MPHOSPH6: variants seen among roughly 807,000 people sequenced by gnomAD.
The protein encoded by MPHOSPH6 is M-phase phosphoprotein 6.
Under a neutral mutation model 21.8 loss-of-function variants are expected in MPHOSPH6, and 25 were observed. The ratio of observed to expected loss-of-function variants is 1.15; its 90% CI spans 0.83 to 1.60. MPHOSPH6 has a LOEUF of 1.60. MPHOSPH6 is among the 40% of genes most tolerant of loss of function. The pLI is 0.00. For synonymous variants in MPHOSPH6, 84 were observed against 56.5 expected (o/e 1.49, Z -2.18); for missense variants, 269 against 181.8 (o/e 1.48, Z -2.76).
intron 2 of MPHOSPH6, among the ~76,000 whole-genome samples, chr16:82,161,716 C>T (rs1906613352): frequency 6.6e-6 from 1 of 152,174 alleles, no homozygotes; most frequent in Non-Finnish European, 1.5e-5. Context: ...AATGTGGCTA[C>T]ACTAAGGCCT....
At chr16:82,157,897 C>G (rs892865487) in intron 2 of MPHOSPH6, among the ~76,000 whole-genome samples, 1 of 152,174 alleles carries the variant, frequency 6.6e-6, no homozygotes, top group Non-Finnish European at 1.5e-5. Flanking sequence ...AGAGTAGTAG[C>G]AGGAGGTCAG....
chr16:82,150,758 C>G (rs1176597934), intron 3 of MPHOSPH6, among the ~76,000 whole-genome samples: 3 of 152,226 alleles, frequency 2.0e-5, no homozygotes, highest in Non-Finnish European at 4.4e-5. Flanking sequence ...AATGTTAACA[C>G]TGCCAAGGGC....
In MPHOSPH6 at chr16:82,148,866, G is replaced by A. The variant is rs757951880; in HGVS notation, c.351-3C>T. On this transcript the variant is annotated splice_polypyrimidine_tract_variant and splice_region_variant and intron_variant, in intron 4 of 4. Coordinates refer to ENST00000258169, the MANE Select transcript of MPHOSPH6 (RefSeq NM_005792.2). ...TTGTCCCCACCAAGGTCTCATATCTGTCAAGAGGACAGGCAGCACACGTTT... is the reference window on the plus strand; with the variant it reads ...TTGTCCCCACCAAGGTCTCATATCTATCAAGAGGACAGGCAGCACACGTTT... 6.9e-5 allele frequency: 112 copies of A among 1,613,820 alleles called. No individual in the cohort carries two copies. Among genetic ancestry groups the A allele is most frequent in the Non-Finnish European group, 9.2e-5 (108 of 1,179,896 alleles).
rs373492338 is a variant in MPHOSPH6 at position 82,149,322 on chromosome 16, C to G, written c.337G>C (p.Glu113Gln). 6.2e-7 allele frequency: 1 copy of G among 1,613,222 alleles called. No individual in the cohort carries two copies. The highest frequency in any genetic ancestry group is 8.5e-7 in the Non-Finnish European group (1 of 1,180,032). Reference sequence around the variant, plus strand: ...CAGCACGGTTACCTTCTAGCCATCTCTTCATCTGACACATCAAGCTCTACT... The same window carrying G: ...CAGCACGGTTACCTTCTAGCCATCTGTTCATCTGACACATCAAGCTCTACT... The part of the protein sequence containing the change: ...ETVELDVSDE[E>Q]MARRYETLVG... The change falls in exon 4 of 5, where the codon GAG becomes CAG. Residue 113 changes from glutamate to glutamine, a missense_variant. By Grantham distance (29) the Glu-to-Gln change is conservative. Transcript: ENST00000258169.
chr16:82,160,669 G>A (rs1906578935), intron 2 of MPHOSPH6, among the ~76,000 whole-genome samples: 1 of 152,166 alleles, frequency 6.6e-6, no homozygotes, highest in South Asian at 2.1e-4. Flanking sequence ...AATCCACTGG[G>A]TGCACAGCAT....
intron 2 of MPHOSPH6, among the ~76,000 whole-genome samples, chr16:82,155,418 C>T (rs1035066305): frequency 6.6e-6 from 1 of 152,034 alleles, no homozygotes; most frequent in African/African-American, 2.4e-5. Flanking sequence ...CTTAAGGAAT[C>T]CACAAAAAAA....
rs776393036 is a variant in MPHOSPH6, at chr16:82,148,791, A to C, written c.423T>G (p.Asp141Glu). Residue 141 changes from aspartate (D) to glutamate (E), a missense_variant, in exon 5 of 5, where the codon GAT becomes GAG. Transcript: ENST00000258169. Reference protein sequence around the residue: ...RKRDHANYEEDENGDITPIKA... With the variant: ...RKRDHANYEEEENGDITPIKA... ...TAATTGGTGTTATGTCTCCATTTTC[A>C]TCTTCTTCATAATTGGCATGGTCTC... 1 of 1,614,058 alleles carries C rather than the reference A, an allele frequency of 6.2e-7. No homozygotes were observed. The highest frequency in any genetic ancestry group is 8.5e-7 in the Non-Finnish European group (1 of 1,180,004).
At chr16:82,165,798 G>T (rs1436659786) in intron 1 of MPHOSPH6, among the ~76,000 whole-genome samples, 1 of 41,508 alleles carries the variant, frequency 2.4e-5, no homozygotes, top group African/African-American at 4.8e-5. Context: ...GGTTTGCGTA[G>T]ATGAACCCTA....
chr16:82,163,942 T>G, intron 2 of MPHOSPH6, 140 bp downstream of exon 2: 1 of 592,986 alleles, frequency 1.7e-6, no homozygotes, highest in Non-Finnish European at 2.9e-6. Flanking sequence ...GTTTAATATT[T>G]TTTAGTTGTG....
intron 2 of MPHOSPH6, among the ~76,000 whole-genome samples, chr16:82,158,423 C>A (rs141229040): frequency 2.7e-5 from 4 of 146,634 alleles, no homozygotes; most frequent in African/African-American, 5.1e-5. Context: ...GGTGTGAACC[C>A]GGGAGGTGGA....
chr16:82,153,502 C>T (rs1441270227), intron 2 of MPHOSPH6, among the ~76,000 whole-genome samples: 1 of 152,122 alleles, frequency 6.6e-6, no homozygotes, highest in African/African-American at 2.4e-5. Flanking sequence ...TCTTGCTGAG[C>T]TTAAGAGACA....
At chr16:82,149,570 G>C (rs1303927741) in intron 3 of MPHOSPH6, among the ~76,000 whole-genome samples, 167 bp from the exon 4 acceptor site, 1 of 152,192 alleles carries the variant, frequency 6.6e-6, no homozygotes, top group African/African-American at 2.4e-5. Flanking sequence ...TGTAAGAGAA[G>C]TAAGCTCTGA....
intron 1 of MPHOSPH6, among the ~76,000 whole-genome samples, chr16:82,166,220 T>A (rs1461080581): frequency 6.6e-6 from 1 of 152,226 alleles, no homozygotes; most frequent in Non-Finnish European, 1.5e-5. Flanking sequence ...CTATCACTAT[T>A]TTAAGTAAAA....
rs113126233 is a variant in MPHOSPH6, at chr16:82,153,179, T to C, written c.165-1665A>G. 1.8e-3 allele frequency among the ~76,000 whole-genome samples: 274 copies of C among 152,162 alleles called. 5 individuals are homozygous for C. The highest frequency in any genetic ancestry group is 6.3e-3 in the African/African-American group (262 of 41,522). On this transcript the variant is annotated intron_variant, in intron 2 of 4. Coordinates refer to ENST00000258169, the MANE Select transcript of MPHOSPH6 (RefSeq NM_005792.2). ...CTGCTCTCCTGGAGGTTACAGTCTA[T>C]AGAAAGAGGGGCCAAATAATGAATG... is the stretch of plus-strand genomic sequence containing the variant.
intron 2 of MPHOSPH6, among the ~76,000 whole-genome samples, chr16:82,160,723 A>G (rs1370631318): frequency 6.6e-6 from 1 of 152,210 alleles, no homozygotes; most frequent in Admixed American, 6.5e-5. Context: ...AGTTGGGGAC[A>G]AAAGAGAAAT....
At chr16:82,169,874 T>G (rs1197362665) in intron 1 of MPHOSPH6, among the ~76,000 whole-genome samples, 1 of 152,224 alleles carries the variant, frequency 6.6e-6, no homozygotes, top group Non-Finnish European at 1.5e-5. Context: ...CTGGGTAAGC[T>G]GTACCCTGAC....
chr16:82,156,658 T>G (rs1398700011), intron 2 of MPHOSPH6, among the ~76,000 whole-genome samples: 1 of 152,086 alleles, frequency 6.6e-6, no homozygotes, highest in Admixed American at 6.5e-5. Flanking sequence ...TGTAAAATCA[T>G]AGAACAAACT....
intron 1 of MPHOSPH6, among the ~76,000 whole-genome samples, chr16:82,167,972 T>C (rs988150039): frequency 9.9e-5 from 15 of 152,196 alleles, no homozygotes; most frequent in Admixed American, 8.5e-4. Flanking sequence ...TATACTCTGT[T>C]CTATCAGTAT....
chr16:82,162,225 T>C (rs145761197), intron 2 of MPHOSPH6: 159 of 152,314 alleles, frequency 1.0e-3, no homozygotes, highest in African/African-American at 3.8e-3. Flanking sequence ...AGGTGACAAG[T>C]AAACAACTGG....
Sources: gnomAD v4.1 joint callset for allele counts (sites outside exome capture counted in the v4.1 genomes callset) on GRCh38, gnomAD v4.1.1 for gene constraint, MANE v1.5 for transcripts, NCBI Gene and HGNC (gene_info 2026-07-23, HGNC 2026-07-21) for gene names.